KCTD19: variants seen among roughly 807,000 people sequenced by gnomAD.
The protein encoded by KCTD19 is BTB/POZ domain-containing protein KCTD19.
In KCTD19, 67 loss-of-function variants were observed where a neutral mutation model predicts 103.5. The ratio of observed to expected loss-of-function variants is 0.65; its 90% CI spans 0.53 to 0.79. The LOEUF (loss-of-function observed/expected upper bound fraction) is 0.79, where lower values mean the gene tolerates loss of function less well. KCTD19 is among the 30% of genes least tolerant of loss of function. KCTD19 has a pLI of 0.00. For missense variants in KCTD19, 980 were observed against 1,136.1 expected (o/e 0.86, Z 1.98); for synonymous variants, 439 against 452.2 (o/e 0.97, Z 0.37).
chr16:67,320,740 T>C lies in KCTD19; in HGVS notation c.149A>G (p.Glu50Gly). 1 of 1,614,198 alleles carries C rather than the reference T, an allele frequency of 6.2e-7. No homozygotes were observed. The highest frequency in any genetic ancestry group is 8.5e-7 in the Non-Finnish European group (1 of 1,180,026). The change falls in exon 2 of 16, where the codon GAA (glutamate) becomes GGA (glycine). Residue 50 changes from glutamate (E) to glycine (G), a missense_variant. Transcript: ENST00000304372. The surrounding 1 kb of genome is among the most constrained non-coding windows in gnomAD (Gnocchi z 4.0). ...WKEASALTSSESQRLFIDRDG... is the reference protein window; with the variant it reads ...WKEASALTSSGSQRLFIDRDG... Reference sequence around the variant, plus strand: ...TCTGTCGATAAATAGCCTCTGGCTTTCTGAAGAGGTCAAGGCTGAAGCCTC... The same window carrying C: ...TCTGTCGATAAATAGCCTCTGGCTTCCTGAAGAGGTCAAGGCTGAAGCCTC...
At chr16:67,295,439 AG>A (rs758288590) in intron 8 of KCTD19, 34 bp from the exon 9 acceptor site, 38 of 1,589,368 alleles carry the variant, frequency 2.4e-5, no homozygotes, top group Non-Finnish European at 3.2e-5. Context: ...TCAGTCTCAG[AG>A]GCTAGGTCTT....
At chr16:67,324,216 A>C (rs2037105658) in intron 1 of KCTD19, among the ~76,000 whole-genome samples, 1 of 152,244 alleles carries the variant, frequency 6.6e-6, no homozygotes, top group African/African-American at 2.4e-5. Context: ...GACCTAGTTT[A>C]TCAATACGAT....
intron 12 of KCTD19, among the ~76,000 whole-genome samples, chr16:67,292,041 T>C (rs920240084): frequency 6.6e-6 from 1 of 152,186 alleles, no homozygotes; most frequent in African/African-American, 2.4e-5. Flanking sequence ...GCCCGGCTAA[T>C]TTTTGTATTT....
Position 67,303,300 on chromosome 16 carries a change from T to C in KCTD19, c.489A>G (p.Thr163=). Residue 163 remains threonine, a synonymous_variant, in exon 4 of 16, where the codon ACA becomes ACG. Coordinates refer to ENST00000304372, the MANE Select transcript of KCTD19 (RefSeq NM_001100915.3). The surrounding 1 kb of genome is among the most constrained non-coding windows in gnomAD (Gnocchi z 4.3). The stretch of plus-strand genomic sequence containing the variant: ...CCTCCTCTTCTGTGTCTAACAGGGG[T>C]GTGTCCATGAGCCCCAGAGGTGCCT... ...HDKAPLGLMD[T]PLLDTEEEVH... 1 of 1,613,714 alleles carries C rather than the reference T, an allele frequency of 6.2e-7. No homozygotes were observed. Among genetic ancestry groups the C allele is most frequent in the South Asian group, 1.1e-5 (1 of 91,020 alleles).
chr16:67,291,013 G>T (rs768697990), intron 14 of KCTD19, 27 bp from the exon 15 acceptor site: 1 of 1,609,396 alleles, frequency 6.2e-7, no homozygotes, highest in Non-Finnish European at 8.5e-7. Context: ...CAGTCAGGCA[G>T]TGCTAGGGCA....
Position 67,291,797 on chromosome 16 carries a change from C to T in KCTD19, c.2259G>A (p.Glu753=). Residue 753 remains glutamate, a synonymous_variant, in exon 13 of 16, where the codon GAG becomes GAA. Coordinates refer to ENST00000304372, the MANE Select transcript of KCTD19 (RefSeq NM_001100915.3). ...APEQPLPEAS[E]VDSLGVILKV... ...TGAGGATAACCCCTAGGCTGTCCAC[C>T]TCACTGGCCTCGGGCAGAGGCTGCT... 1 of 1,613,430 alleles carries T rather than the reference C, an allele frequency of 6.2e-7. No individual in the cohort carries two copies. Among genetic ancestry groups the T allele is most frequent in the Non-Finnish European group, 8.5e-7 (1 of 1,179,572 alleles).
In KCTD19 at chr16:67,293,095, GCT is replaced by G. The variant is rs2036718991; in HGVS notation, c.2218+447_2218+448del. On this transcript the variant is annotated intron_variant, in intron 12 of 15. Coordinates refer to ENST00000304372, the MANE Select transcript of KCTD19 (RefSeq NM_001100915.3). The surrounding 1 kb of genome is among the most constrained non-coding windows in gnomAD (Gnocchi z 4.0). Reference sequence around the variant, plus strand: ...TCTTGTCTAAAATCCTTCAGACGCTGCTCACTCCCATCCTGGTCAGAATGGAG... The same window carrying G: ...TCTTGTCTAAAATCCTTCAGACGCTGCACTCCCATCCTGGTCAGAATGGAG... Among the ~76,000 whole-genome samples the G allele has an allele frequency of 6.6e-6, 1 of 152,176 alleles. No individual in the cohort carries two copies. Among genetic ancestry groups the G allele is most frequent in the Non-Finnish European group, 1.5e-5 (1 of 68,036 alleles).
intron 2 of KCTD19, among the ~76,000 whole-genome samples, chr16:67,306,066 G>A (rs559069933): frequency 3.3e-5 from 5 of 152,320 alleles, no homozygotes; most frequent in Admixed American, 1.3e-4. Context: ...TGCGTGGAAC[G>A]CTGGAAGACA....
At position 67,320,559 on chromosome 16, in the gene KCTD19, C is replaced by G; in HGVS notation, c.300+30G>C. ...GTGATGTAAAGCCATGTTACTGATCCACCACTCCCAGAAAACAAGAGCATC... is the reference window on the plus strand; with the variant it reads ...GTGATGTAAAGCCATGTTACTGATCGACCACTCCCAGAAAACAAGAGCATC... On this transcript the variant is annotated intron_variant, in intron 2 of 15. Coordinates refer to ENST00000304372, the MANE Select transcript of KCTD19 (RefSeq NM_001100915.3). This position sits in a 1 kb window ranked among gnomAD's most constrained non-coding sequence, Gnocchi z 4.0. 6.2e-7 allele frequency: 1 copy of G among 1,603,780 alleles called. No homozygotes were observed. Among genetic ancestry groups the G allele is most frequent in the African/African-American group, 1.3e-5 (1 of 74,680 alleles).
At chr16:67,307,143 T>A (rs929433088) in intron 2 of KCTD19, among the ~76,000 whole-genome samples, 3 of 152,052 alleles carry the variant, frequency 2.0e-5, no homozygotes, top group African/African-American at 7.3e-5. Flanking sequence ...AATGAAGATA[T>A]CCATCACGTC....
rs2036755503 is a variant in KCTD19, at chr16:67,295,524, T to C, written c.1249-119A>G. 4 of 949,742 alleles carry C rather than the reference T, an allele frequency of 4.2e-6. No individual in the cohort carries two copies. The Admixed American group carries it at 1.1e-4, about 26-fold the overall frequency. 58.8% of individuals were successfully genotyped at this position (949,742 alleles called of 1,614,324 possible). A position where few individuals can be genotyped will look rare whatever the true frequency, so the allele number is the denominator to read the frequency against. On this transcript the variant is annotated intron_variant, in intron 8 of 15. Transcript: ENST00000304372. Reference sequence around the variant, plus strand: ...TAGAGCAGAGGCTTTGAGATTCCATTTCCCTGTCTTGTCAGTCACAAGGAA... The same window carrying C: ...TAGAGCAGAGGCTTTGAGATTCCATCTCCCTGTCTTGTCAGTCACAAGGAA...
Position 67,295,317 on chromosome 16 carries a change from C to G in KCTD19, c.1337G>C (p.Arg446Pro). 3 of 1,614,102 alleles carry G rather than the reference C, an allele frequency of 1.9e-6. No individual in the cohort carries two copies. Among genetic ancestry groups the G allele is most frequent in the Non-Finnish European group, 1.7e-6 (2 of 1,180,024 alleles). The part of the protein sequence containing the change: ...LLIHGDGQMF[R>P]HILNFLRLGK... ...AAGTCTCAGGAAGTTGAGAATGTGT[C>G]GGAACATCTGGCCATCCCCGTGGAT... The change falls in exon 9 of 16, where the codon CGA becomes CCA. Residue 446 changes from arginine to proline, a missense_variant. By Grantham distance (103) the Arg-to-Pro change is moderately radical (BLOSUM62 -2). Coordinates refer to ENST00000304372, the MANE Select transcript of KCTD19 (RefSeq NM_001100915.3).
rs989321309 is a variant in KCTD19, at chr16:67,320,289, A to G, written c.300+300T>C. On this transcript the variant is annotated intron_variant, in intron 2 of 15. Coordinates refer to ENST00000304372, the MANE Select transcript of KCTD19 (RefSeq NM_001100915.3). This position sits in a 1 kb window ranked among gnomAD's most constrained non-coding sequence, Gnocchi z 4.0. ...TGTTCCCAGCTACTCAGAGGGACTGAGGTGGGAGGTGGGAAGATCCTTTGG... is the reference window on the plus strand; with the variant it reads ...TGTTCCCAGCTACTCAGAGGGACTGGGGTGGGAGGTGGGAAGATCCTTTGG... Among the ~76,000 whole-genome samples, 1 of 152,082 alleles carries G rather than the reference A, an allele frequency of 6.6e-6. No individual in the cohort carries two copies. Among genetic ancestry groups the G allele is most frequent in the Non-Finnish European group, 1.5e-5 (1 of 68,002 alleles).
In KCTD19 at chr16:67,293,717, G is replaced by A. The variant is rs533042540; in HGVS notation, c.2045C>T (p.Thr682Ile). 4.3e-6 allele frequency: 7 copies of A among 1,613,982 alleles called. No individual in the cohort carries two copies. Among genetic ancestry groups the A allele is most frequent in the Non-Finnish European group, 5.9e-6 (7 of 1,180,030 alleles). The change falls in exon 12 of 16, where the codon ACC becomes ATC. Residue 682 changes from threonine to isoleucine, a missense_variant. Physicochemically the swap from Thr to Ile is moderately conservative, Grantham distance 89 (BLOSUM62 -1). Coordinates refer to ENST00000304372, the MANE Select transcript of KCTD19 (RefSeq NM_001100915.3). This position sits in a 1 kb window ranked among gnomAD's most constrained non-coding sequence, Gnocchi z 4.0. ...GGAATGGGCTTTCCAGGCAGCTGAG[G>A]TGCTGGGCTGGGAAGCAGCCTCGCT... is the stretch of plus-strand genomic sequence containing the variant. ...LGSEAASQPS[T>I]SAAWKAHSTA...
chr16:67,297,517 G>A lies in KCTD19; in HGVS notation c.1133C>T (p.Pro378Leu), dbSNP rs2036778694. ...KTHLEPRTLAPMDVLNEWTAE... is the reference protein window; with the variant it reads ...KTHLEPRTLALMDVLNEWTAE... ...TTCTCACTTACTGAGCACATCCATG[G>A]GTGCCAAAGTCCTTGGCTCCAGATG... The change falls in exon 7 of 16, where the codon CCC (proline) becomes CTC (leucine). Residue 378 changes from proline (P) to leucine (L), a missense_variant. By Grantham distance (98) the Pro-to-Leu change is moderately conservative. Coordinates refer to ENST00000304372, the MANE Select transcript of KCTD19 (RefSeq NM_001100915.3). The A allele has an allele frequency of 6.2e-7, 1 of 1,613,838 alleles. No individual in the cohort carries two copies. Among genetic ancestry groups the A allele is most frequent in the African/African-American group, 1.3e-5 (1 of 74,840 alleles).
chr16:67,311,075 G>A (rs2036944268), intron 2 of KCTD19, among the ~76,000 whole-genome samples: 1 of 152,208 alleles, frequency 6.6e-6, no homozygotes, highest in African/African-American at 2.4e-5. Context: ...ATGTTGTTAA[G>A]CATGTGCAAA....
intron 2 of KCTD19, among the ~76,000 whole-genome samples, chr16:67,315,504 C>T (rs1349598038): frequency 6.6e-6 from 1 of 151,362 alleles, no homozygotes; most frequent in Non-Finnish European, 1.5e-5. Context: ...TTTTTTGAGA[C>T]AGAGTCTTGC....
At chr16:67,311,719 C>CTGTG (rs138127426) in intron 2 of KCTD19, among the ~76,000 whole-genome samples, 2 of 150,146 alleles carry the variant, frequency 1.3e-5, no homozygotes, top group Admixed American at 6.7e-5. Context: ...GTGTGTGTGC[C>CTGTG]TGTGTGTGTG....
chr16:67,310,578 C>T (rs2036938968), intron 2 of KCTD19, among the ~76,000 whole-genome samples: 1 of 152,070 alleles, frequency 6.6e-6, no homozygotes, highest in Non-Finnish European at 1.5e-5. Context: ...ATTTCTAGCA[C>T]AAGAATAAAT....
Sources: gnomAD v4.1 joint callset for allele counts (sites outside exome capture counted in the v4.1 genomes callset) on GRCh38, gnomAD v4.1.1 for gene constraint, Gnocchi (gnomAD v3.1) non-coding constraint, MANE v1.5 for transcripts, NCBI Gene and HGNC (gene_info 2026-07-23, HGNC 2026-07-21) for gene names.